The following NPAS2 variants were observed in gnomAD, a reference collection of about 807,000 sequenced individuals.
NPAS2 encodes the protein neuronal PAS domain-containing protein 2.
Under a neutral mutation model 107.5 loss-of-function variants are expected in NPAS2, and 23 were observed. The observed-to-expected ratio is 0.21, with a 90% CI of 0.15 to 0.30. The LOEUF is 0.30. Among genes scored for constraint, NPAS2 ranks in the 10% least tolerant of loss-of-function variants. The pLI, the probability that NPAS2 is intolerant of heterozygous loss-of-function variation, is 1.00. For missense variants in NPAS2, 756 were observed against 1,043.3 expected (o/e 0.72, Z 3.79); for synonymous variants, 403 against 417.5 (o/e 0.97, Z 0.42).
chr2:100,950,710 C>T (rs1003304034), intron 7 of NPAS2, among the ~76,000 whole-genome samples: 1 of 152,166 alleles, frequency 6.6e-6, no homozygotes, highest in African/African-American at 2.4e-5. Context: ...ATGGTGGGCT[C>T]CTTGGCTGAC....
rs369688794 is a variant in NPAS2 at position 100,883,137 on chromosome 2, G to A, written c.-22-21596G>A. 3.6e-4 allele frequency among the ~76,000 whole-genome samples: 55 copies of A among 152,338 alleles called. No individual in the cohort carries two copies. In the East Asian group the frequency reaches 7.1e-3, roughly 20 times the overall value. Reference sequence around the variant, plus strand: ...GAATTTGCATCCAGAAACCACAGGAGCAGATGACCCACAAGTGTAGCTATT... The same window carrying A: ...GAATTTGCATCCAGAAACCACAGGAACAGATGACCCACAAGTGTAGCTATT... On this transcript the variant is annotated intron_variant, in intron 1 of 20. Transcript: ENST00000335681.
chr2:100,920,455 T>C (rs926285142), intron 2 of NPAS2, among the ~76,000 whole-genome samples: 4 of 152,184 alleles, frequency 2.6e-5, no homozygotes, highest in Non-Finnish European at 5.9e-5. Flanking sequence ...TGTGCCCCAC[T>C]TCCCTGGAGG....
At position 100,839,839 on chromosome 2, in the gene NPAS2, TG is replaced by T. The variant is rs548126475; in HGVS notation, c.-23+19426del. On this transcript the variant is annotated intron_variant, in intron 1 of 20. Transcript: ENST00000335681. ...TTGTTTCATATCAGTTAAGAATATT[TG>T]TGCTTCACTTTTGAAGTCCATCTTC... Among the ~76,000 whole-genome samples, 446 of 152,346 alleles carry T rather than the reference TG, an allele frequency of 2.9e-3. 2 individuals carry two copies. Among genetic ancestry groups the T allele is most frequent in the African/African-American group, 0.01 (422 of 41,586 alleles).
At chr2:100,887,494 G>C (rs947463583) in intron 1 of NPAS2, among the ~76,000 whole-genome samples, 2 of 152,200 alleles carry the variant, frequency 1.3e-5, no homozygotes, top group African/African-American at 2.4e-5. Context: ...ATGCAGGCGA[G>C]CTGGGAGGTA....
chr2:100,968,330 A>C lies in NPAS2; in HGVS notation c.957A>C (p.Lys319Asn). Reference sequence around the variant, plus strand: ...CGTGTTGCTACCGGTTTCTGACCAAAGGTCAGCAGTGGATCTGGCTGCAGA... The same window carrying C: ...CGTGTTGCTACCGGTTTCTGACCAACGGTCAGCAGTGGATCTGGCTGCAGA... ...GKSCCYRFLT[K>N]GQQWIWLQTH... The change falls in exon 11 of 21, where the codon AAA becomes AAC. Residue 319 changes from lysine to asparagine, a missense_variant. Around this residue, in one of 4 missense-constraint regions of NPAS2, gnomAD observed 84 missense variants for 175.5 expected, o/e 0.48. Transcript: ENST00000335681. This position sits in a 1 kb window ranked among gnomAD's most constrained non-coding sequence, Gnocchi z 5.3. 1 of 1,613,958 alleles carries C rather than the reference A, an allele frequency of 6.2e-7. No homozygotes were observed. The highest frequency in any genetic ancestry group is 8.5e-7 in the Non-Finnish European group (1 of 1,179,828).
Position 100,911,928 on chromosome 2 carries a change from G to A in NPAS2, c.32+7142G>A, listed in dbSNP as rs372996339. 4.6e-5 allele frequency among the ~76,000 whole-genome samples: 7 copies of A among 152,130 alleles called. No homozygotes were observed. The East Asian group carries it at 7.7e-4, about 17-fold the overall frequency. On this transcript the variant is annotated intron_variant, in intron 2 of 20. Coordinates refer to ENST00000335681, the MANE Select transcript of NPAS2 (RefSeq NM_002518.4). ...ATTACAGGTGTGAGCAATGGCGCCC[G>A]GCTTCCAGTCAGTTTTAATAGGAAT...
chr2:100,914,185 C>T (rs1272563004), intron 2 of NPAS2, among the ~76,000 whole-genome samples: 1 of 152,156 alleles, frequency 6.6e-6, no homozygotes, highest in African/African-American at 2.4e-5. Context: ...GTGTGTGACA[C>T]TTTGCCTTGG....
rs79067570 is a variant in NPAS2, at chr2:100,886,973, A to C, written c.-22-17760A>C. Among the ~76,000 whole-genome samples the C allele has an allele frequency of 6.2e-3, 942 of 152,312 alleles. 57 individuals are homozygous for C. In the East Asian group the frequency reaches 0.14, roughly 23 times the overall value. On this transcript the variant is annotated intron_variant, in intron 1 of 20. Coordinates refer to ENST00000335681, the MANE Select transcript of NPAS2 (RefSeq NM_002518.4). ...GTTGATTGACAGAACCTTCTAATAC[A>C]TTTGTTATAAACGTGACATAAAGGG... is the stretch of plus-strand genomic sequence containing the variant.
At position 100,925,236 on chromosome 2, in the gene NPAS2, G is replaced by T. The variant is rs1450719462; in HGVS notation, c.123G>T (p.Arg41=). ...ELSSMLPGNT[R]KMDKTTVLEK... is the part of the protein sequence containing the mutation. ...GTTCCATGCTCCCTGGCAACACGCGGAAAATGGACAAAACCACCGTGTTGG... is the reference window on the plus strand; with the variant it reads ...GTTCCATGCTCCCTGGCAACACGCGTAAAATGGACAAAACCACCGTGTTGG... Residue 41 remains arginine, a synonymous_variant, in exon 3 of 21, where the codon CGG becomes CGT. Transcript: ENST00000335681. 1 of 1,614,150 alleles carries T rather than the reference G, an allele frequency of 6.2e-7. No homozygotes were observed. The highest frequency in any genetic ancestry group is 1.1e-5 in the South Asian group (1 of 91,068).
chr2:100,829,002 A>G (rs1398952554), intron 1 of NPAS2, among the ~76,000 whole-genome samples: 2 of 152,178 alleles, frequency 1.3e-5, no homozygotes, highest in African/African-American at 4.8e-5. Flanking sequence ...GAGCATTTTA[A>G]TAATATTGAT....
intron 1 of NPAS2, among the ~76,000 whole-genome samples, chr2:100,877,458 A>G (rs907546951): frequency 6.8e-6 from 1 of 146,286 alleles, no homozygotes; most frequent in African/African-American, 2.8e-5. Flanking sequence ...AAAAAAAAAA[A>G]AAAAAAAAAG....
chr2:100,833,349 A>G (rs527511117), intron 1 of NPAS2, among the ~76,000 whole-genome samples: 1 of 152,202 alleles, frequency 6.6e-6, no homozygotes, highest in Non-Finnish European at 1.5e-5. Flanking sequence ...GTTTCATAAA[A>G]ATGAAAAGTA....
intron 1 of NPAS2, among the ~76,000 whole-genome samples, chr2:100,852,371 T>C (rs1420352424): frequency 6.6e-6 from 1 of 152,116 alleles, no homozygotes; most frequent in Admixed American, 6.6e-5. Flanking sequence ...CGCTCCAGCC[T>C]GGGTGACAGA....
At chr2:100,993,820 T>C (rs1448650354) in intron 20 of NPAS2, 1 of 339,976 alleles carries the variant, frequency 2.9e-6, no homozygotes. Flanking sequence ...CATCTTGATA[T>C]GTTCACAGTT....
At chr2:100,958,467 A>C (rs1675710170) in intron 7 of NPAS2, among the ~76,000 whole-genome samples, 1 of 152,194 alleles carries the variant, frequency 6.6e-6, no homozygotes, top group South Asian at 2.1e-4. Flanking sequence ...CCGGACTCTA[A>C]GAGTGGGAAG....
intron 1 of NPAS2, among the ~76,000 whole-genome samples, chr2:100,845,088 G>T (rs531519004): frequency 1.7e-4 from 26 of 152,284 alleles, no homozygotes; most frequent in Admixed American, 9.8e-4. Context: ...CTGTTGGCAT[G>T]GGGGAGCTGC....
intron 3 of NPAS2, among the ~76,000 whole-genome samples, chr2:100,929,003 A>G (rs1434804408): frequency 6.6e-6 from 1 of 152,222 alleles, no homozygotes; most frequent in Non-Finnish European, 1.5e-5. Context: ...TCCCAGGTTC[A>G]AGCGATTCTC....
intron 7 of NPAS2, 57 bp downstream of exon 7, chr2:100,949,537 A>T (rs767912088): frequency 5.9e-6 from 6 of 1,013,162 alleles, no homozygotes; most frequent in Non-Finnish European, 7.8e-6. Context: ...AAACGTGCAC[A>T]TGGGGGCATT....
intron 4 of NPAS2, chr2:100,934,753 TG>T: frequency 4.1e-6 from 4 of 977,712 alleles, no homozygotes; most frequent in Non-Finnish European, 4.9e-6. Context: ...GCCCCAGCTG[TG>T]GTTGGGGGAG....
Sources: allele counts gnomAD v4.1 joint callset (sites outside exome capture counted in the v4.1 genomes callset), GRCh38; gene constraint gnomAD v4.1.1; regional missense constraint gnomAD v4.1.1; non-coding constraint Gnocchi (gnomAD v3.1); transcripts MANE v1.5; gene names NCBI Gene and HGNC (gene_info 2026-07-23, HGNC 2026-07-21).